The following HS6ST3 variants were observed in gnomAD, a reference collection of about 807,000 sequenced individuals.
HS6ST3 encodes the protein heparan sulfate 6-O-sulfotransferase 3, also known as heparan-sulfate 6-O-sulfotransferase 3.
A neutral mutation model predicts 36.7 loss-of-function variants in HS6ST3; 12 were observed. The ratio of observed to expected loss-of-function variants is 0.33; its 90% CI spans 0.21 to 0.53. The LOEUF is 0.53. Ranked by LOEUF, HS6ST3 falls within the 20% of genes least tolerant of loss-of-function variation. HS6ST3 has a pLI of 0.95. For missense variants in HS6ST3, 584 were observed against 640.9 expected, an observed-to-expected ratio of 0.91 and a Z score of 0.96; for synonymous variants, 240 against 257.5, an observed-to-expected ratio of 0.93 and a Z score of 0.65.
intron 1 of HS6ST3, among the ~76,000 whole-genome samples, chr13:96,516,131 G>A (rs1043342522): frequency 3.3e-5 from 5 of 150,944 alleles, no homozygotes; most frequent in African/African-American, 1.2e-4. Context: ...GGGTGATGTC[G>A]GCTCAATGCA....
At chr13:96,302,036 G>A (rs2054885827) in intron 1 of HS6ST3, among the ~76,000 whole-genome samples, 1 of 151,348 alleles carries the variant, frequency 6.6e-6, no homozygotes. Context: ...AATCAAATTG[G>A]CATGTATAAG....
intron 1 of HS6ST3, among the ~76,000 whole-genome samples, chr13:96,421,236 TA>T (rs918588770): frequency 3.9e-5 from 6 of 152,178 alleles, no homozygotes; most frequent in African/African-American, 1.2e-4. Flanking sequence ...TAGTTCACTG[TA>T]AAAATAGGAT....
chr13:96,112,603 A>G (rs1478108737), intron 1 of HS6ST3, among the ~76,000 whole-genome samples: 1 of 118,796 alleles, frequency 8.4e-6, no homozygotes, highest in African/African-American at 3.0e-5. Context: ...ATATATATAT[A>G]TATATATATA....
intron 1 of HS6ST3, among the ~76,000 whole-genome samples, chr13:96,188,816 A>G (rs2054276438): frequency 6.6e-6 from 1 of 152,226 alleles, no homozygotes; most frequent in African/African-American, 2.4e-5. Flanking sequence ...TTTATTGTCC[A>G]TAATTAGAAG....
chr13:96,492,464 G>A (rs769450531), intron 1 of HS6ST3, among the ~76,000 whole-genome samples: 3 of 152,198 alleles, frequency 2.0e-5, no homozygotes, highest in Non-Finnish European at 4.4e-5. Flanking sequence ...ATAGTTGGGG[G>A]CATATCTTTC....
intron 1 of HS6ST3, among the ~76,000 whole-genome samples, chr13:96,360,958 A>G (rs373216757): frequency 0.014 from 2,196 of 152,014 alleles, 27 homozygotes; most frequent in East Asian, 0.056. Context: ...AAAAAAAAAA[A>G]AAAAATGCAG....
chr13:96,147,532 C>T (rs649322), intron 1 of HS6ST3, among the ~76,000 whole-genome samples: 129,966 of 152,262 alleles, frequency 0.85, 55,755 homozygotes, highest in East Asian at 0.91. Flanking sequence ...GTTTGCACAT[C>T]TGCTTGTTCC....
intron 1 of HS6ST3, among the ~76,000 whole-genome samples, chr13:96,222,860 T>C (rs987579188): frequency 6.6e-6 from 1 of 152,206 alleles, no homozygotes; most frequent in Non-Finnish European, 1.5e-5. Context: ...AAGTTAGGAC[T>C]CTTTTGTAAG....
At chr13:96,772,946 T>C (rs1877299613) in intron 1 of HS6ST3, among the ~76,000 whole-genome samples, 1 of 152,152 alleles carries the variant, frequency 6.6e-6, no homozygotes, top group African/African-American at 2.4e-5. Context: ...GGGTGATTTC[T>C]GCATTTCCCA....
At chr13:96,166,956 T>C (rs1261106024) in intron 1 of HS6ST3, among the ~76,000 whole-genome samples, 1 of 152,200 alleles carries the variant, frequency 6.6e-6, no homozygotes, top group African/African-American at 2.4e-5. Flanking sequence ...TTCTCCTTGC[T>C]GCTGCCATGT....
chr13:96,338,494 G>A (rs1467357385), intron 1 of HS6ST3, among the ~76,000 whole-genome samples: 4 of 152,138 alleles, frequency 2.6e-5, no homozygotes, highest in African/African-American at 9.7e-5. Flanking sequence ...GAGCATGAGA[G>A]GGGCAGTCAC....
intron 1 of HS6ST3, among the ~76,000 whole-genome samples, chr13:96,809,436 T>G (rs1878268470): frequency 6.6e-6 from 1 of 152,212 alleles, no homozygotes; most frequent in Non-Finnish European, 1.5e-5. Flanking sequence ...GATTTGGAAC[T>G]AATGGTTTTC....
intron 1 of HS6ST3, among the ~76,000 whole-genome samples, chr13:96,315,908 T>G (rs1217547369): frequency 6.6e-6 from 1 of 152,302 alleles, no homozygotes; most frequent in South Asian, 2.1e-4. Flanking sequence ...TTATCCCCTT[T>G]TAAGAAAAAT....
intron 1 of HS6ST3, among the ~76,000 whole-genome samples, chr13:96,325,291 A>G (rs2055024904): frequency 6.6e-6 from 1 of 152,158 alleles, no homozygotes; most frequent in Non-Finnish European, 1.5e-5. Context: ...AAGGTAAGGA[A>G]ATAGTTTTAC....
chr13:96,094,160 G>A lies in HS6ST3; in HGVS notation c.707+2591G>A, dbSNP rs184505371. 2.2e-3 allele frequency among the ~76,000 whole-genome samples: 337 copies of A among 152,220 alleles called. 3 individuals are homozygous for A. The highest frequency in any genetic ancestry group is 3.4e-3 in the Non-Finnish European group (232 of 68,004). On this transcript the variant is annotated intron_variant, in intron 1 of 1. Transcript: ENST00000376705. Reference sequence around the variant, plus strand: ...CCCAGGAGTAAGTTACTTTTTCTGAGTCTCAGTTTCTTCACTTTTAAAGTG... The same window carrying A: ...CCCAGGAGTAAGTTACTTTTTCTGAATCTCAGTTTCTTCACTTTTAAAGTG...
chr13:96,116,478 A>C (rs1190141518), intron 1 of HS6ST3, among the ~76,000 whole-genome samples: 1 of 152,168 alleles, frequency 6.6e-6, no homozygotes, highest in Non-Finnish European at 1.5e-5. Flanking sequence ...TTGAGAAAGA[A>C]ACAACAGCAT....
intron 1 of HS6ST3, among the ~76,000 whole-genome samples, chr13:96,538,833 CT>C (rs1228317076): frequency 6.6e-6 from 1 of 152,172 alleles, no homozygotes; most frequent in Non-Finnish European, 1.5e-5. Context: ...ATATTTGCGC[CT>C]TTTGCTTTTT....
intron 1 of HS6ST3, among the ~76,000 whole-genome samples, chr13:96,771,956 CAG>C (rs1269987591): frequency 2.0e-5 from 3 of 152,128 alleles, no homozygotes; most frequent in Non-Finnish European, 4.4e-5. Context: ...ATAATCATGA[CAG>C]AGTTTATGTT....
chr13:96,257,259 A>G (rs1170759021), intron 1 of HS6ST3, among the ~76,000 whole-genome samples: 2 of 152,214 alleles, frequency 1.3e-5, no homozygotes, highest in Non-Finnish European at 1.5e-5. Flanking sequence ...AGTCTTTGCC[A>G]TCTATCTACT....
Sources: allele counts gnomAD v4.1 joint callset (sites outside exome capture counted in the v4.1 genomes callset), GRCh38; gene constraint gnomAD v4.1.1; transcripts MANE v1.5; gene names NCBI Gene and HGNC (gene_info 2026-07-23, HGNC 2026-07-21).